The following CCSER1 variants were observed in gnomAD, a reference collection of about 807,000 sequenced individuals.
The protein encoded by CCSER1 is serine-rich coiled-coil domain-containing protein 1.
A neutral mutation model predicts 82.0 loss-of-function variants in CCSER1; 41 were observed. The observed-to-expected ratio is 0.50, with a 90% confidence interval of 0.39 to 0.65. The LOEUF (loss-of-function observed/expected upper bound fraction) is 0.65. Among genes scored for constraint, CCSER1 ranks in the 30% least tolerant of loss-of-function variants. CCSER1 has a pLI of 0.00. For missense variants in CCSER1, 1,119 were observed against 1,064.2 expected (o/e 1.05, Z -0.72); for synonymous variants, 414 against 383.9 (o/e 1.08, Z -0.92).
At chr4:91,444,291 C>T (rs906946000) in intron 10 of CCSER1, among the ~76,000 whole-genome samples, 12 of 152,082 alleles carry the variant, frequency 7.9e-5, no homozygotes, top group African/African-American at 2.4e-4. Flanking sequence ...ATTTAATTGT[C>T]CAGTAGAGCA....
intron 10 of CCSER1, among the ~76,000 whole-genome samples, chr4:91,282,548 G>C (rs7681439): frequency 0.56 from 85,166 of 151,942 alleles, 25,241 homozygotes; most frequent in African/African-American, 0.78. Context: ...CTACCCCAGG[G>C]AAATTCCAAT....
chr4:90,429,059 T>G (rs1184321577), intron 4 of CCSER1, among the ~76,000 whole-genome samples: 2 of 151,860 alleles, frequency 1.3e-5, no homozygotes, highest in East Asian at 3.8e-4. Flanking sequence ...GTTAATATGG[T>G]AACATTTGTG....
At chr4:91,467,951 T>C (rs1183007318) in intron 10 of CCSER1, among the ~76,000 whole-genome samples, 1 of 152,202 alleles carries the variant, frequency 6.6e-6, no homozygotes, top group Non-Finnish European at 1.5e-5. Flanking sequence ...TGGCGATTCC[T>C]CAGGGATCTA....
At position 91,101,675 on chromosome 4, in the gene CCSER1, A is replaced by G. The variant is rs115290889; in HGVS notation, c.2217+15681A>G. Among the ~76,000 whole-genome samples, 928 of 151,580 alleles carry G rather than the reference A, an allele frequency of 6.1e-3. 8 individuals carry two copies. The highest frequency in any genetic ancestry group is 0.021 in the African/African-American group (872 of 41,348). On this transcript the variant is annotated intron_variant, in intron 10 of 10. Transcript: ENST00000509176. ...AGGTTGGGGGCCTGACAAACCCTCT[A>G]CCTCCAAGCAAAATAAAACTAAGTG...
intron 5 of CCSER1, among the ~76,000 whole-genome samples, chr4:90,502,694 A>G (rs1770097616): frequency 6.6e-6 from 1 of 152,222 alleles, no homozygotes; most frequent in South Asian, 2.1e-4. Context: ...CGAAGAAGAG[A>G]AAATGCATAA....
intron 10 of CCSER1, among the ~76,000 whole-genome samples, chr4:91,108,282 G>A (rs1331592679): frequency 6.6e-6 from 1 of 152,080 alleles, no homozygotes; most frequent in African/African-American, 2.4e-5. Context: ...ATAATATTCT[G>A]CAAATGAAAA....
At chr4:90,592,442 T>A (rs10030843) in intron 5 of CCSER1, among the ~76,000 whole-genome samples, 2 of 151,934 alleles carry the variant, frequency 1.3e-5, no homozygotes, top group Admixed American at 1.3e-4. Context: ...CATAGTAAAA[T>A]AGCTATATGT....
intron 5 of CCSER1, among the ~76,000 whole-genome samples, chr4:90,583,171 G>A (rs535902722): frequency 2.0e-5 from 3 of 152,092 alleles, no homozygotes; most frequent in Admixed American, 2.0e-4. Context: ...TTGTGGATAT[G>A]TTTTTTGTTT....
chr4:90,539,104 TA>T (rs1378659917), intron 5 of CCSER1, among the ~76,000 whole-genome samples: 1 of 152,062 alleles, frequency 6.6e-6, no homozygotes, highest in Non-Finnish European at 1.5e-5. Flanking sequence ...CAGAAAATTA[TA>T]AAGGTACGTA....
chr4:90,585,796 A>G (rs1466445803), intron 5 of CCSER1, among the ~76,000 whole-genome samples: 1 of 152,172 alleles, frequency 6.6e-6, no homozygotes, highest in East Asian at 1.9e-4. Context: ...TCCCAGTAGC[A>G]TGTTAATTCC....
chr4:90,758,123 A>G (rs191902158), intron 7 of CCSER1, among the ~76,000 whole-genome samples: 3 of 152,000 alleles, frequency 2.0e-5, no homozygotes, highest in Admixed American at 2.0e-4. Flanking sequence ...TTTTTAGTAG[A>G]GACTGGGTTT....
chr4:90,753,620 T>G (rs1283816626), intron 7 of CCSER1, among the ~76,000 whole-genome samples: 2 of 152,110 alleles, frequency 1.3e-5, no homozygotes, highest in African/African-American at 4.8e-5. Flanking sequence ...ACTACTGCAG[T>G]GGTTTCTTTG....
At chr4:90,601,386 G>T (rs986011140) in intron 5 of CCSER1, among the ~76,000 whole-genome samples, 1 of 151,778 alleles carries the variant, frequency 6.6e-6, no homozygotes, top group Non-Finnish European at 1.5e-5. Context: ...GTTTTTATCA[G>T]GAATGAATAT....
intron 8 of CCSER1, among the ~76,000 whole-genome samples, chr4:90,882,429 G>T (rs553623467): frequency 2.0e-5 from 3 of 151,918 alleles, no homozygotes; most frequent in African/African-American, 4.8e-5. Flanking sequence ...TATTTACTAA[G>T]TATTTTATAC....
At chr4:90,853,316 A>G (rs1442497325) in intron 8 of CCSER1, among the ~76,000 whole-genome samples, 1 of 152,076 alleles carries the variant, frequency 6.6e-6, no homozygotes, top group African/African-American at 2.4e-5. Flanking sequence ...CATTTTCAAG[A>G]ATTTGTAAAT....
At chr4:90,458,506 C>T (rs909812995) in intron 4 of CCSER1, among the ~76,000 whole-genome samples, 2 of 152,110 alleles carry the variant, frequency 1.3e-5, no homozygotes, top group Non-Finnish European at 2.9e-5. Flanking sequence ...ACATGTGCCA[C>T]CATGCCTGGC....
chr4:90,393,214 A>C (rs559825101), intron 3 of CCSER1, among the ~76,000 whole-genome samples: 5 of 152,260 alleles, frequency 3.3e-5, no homozygotes, highest in African/African-American at 9.6e-5. Flanking sequence ...TTTTTTTCCC[A>C]AGTAAAAAGG....
intron 10 of CCSER1, among the ~76,000 whole-genome samples, chr4:91,518,263 C>T (rs748100200): frequency 8.5e-5 from 13 of 152,098 alleles, no homozygotes; most frequent in Non-Finnish European, 1.9e-4. Flanking sequence ...ATATGTGGAG[C>T]GGCAATCAAT....
intron 10 of CCSER1, among the ~76,000 whole-genome samples, chr4:91,132,337 T>C (rs1728068936): frequency 6.6e-6 from 1 of 152,040 alleles, no homozygotes; most frequent in Non-Finnish European, 1.5e-5. Flanking sequence ...TGTGAAGGTG[T>C]ACAAAAGGTC....
Sources: allele counts gnomAD v4.1 joint callset (sites outside exome capture counted in the v4.1 genomes callset), GRCh38; gene constraint gnomAD v4.1.1; transcripts MANE v1.5; gene names NCBI Gene and HGNC (gene_info 2026-07-23, HGNC 2026-07-21).